Variants in ADGRG2 observed in about 807,000 individuals in gnomAD.
ADGRG2 encodes G protein-coupled receptor 64.
In ADGRG2, 26 loss-of-function variants were observed where a neutral mutation model predicts 74.1. The ratio of observed to expected loss-of-function variants is 0.35; its 90% CI spans 0.26 to 0.49. The LOEUF (loss-of-function observed/expected upper bound fraction) is 0.49. Ranked by LOEUF, ADGRG2 falls within the 20% of genes least tolerant of loss-of-function variation. ADGRG2 has a pLI of 0.99. For missense variants in ADGRG2, 619 were observed against 763.1 expected, an observed-to-expected ratio of 0.81 and a Z score of 2.22; for synonymous variants, 296 against 295.2, an observed-to-expected ratio of 1.00 and a Z score of -0.03.
chrX:19,063,137 C>T (rs1164483014), intron 3 of ADGRG2, among the ~76,000 whole-genome samples: 1 of 111,631 alleles, frequency 9.0e-6, no homozygotes, highest in African/African-American at 3.3e-5. Context: ...GTGTTAAGGT[C>T]CACGGGCTCT....
chrX:18,998,880 T>C (rs2060071207), intron 26 of ADGRG2, 116 bp downstream of exon 26: 2 of 561,739 alleles, frequency 3.6e-6, no homozygotes, highest in Non-Finnish European at 5.8e-6. Context: ...TGCTTTATTG[T>C]AGTGGTCTAG....
intron 23 of ADGRG2, among the ~76,000 whole-genome samples, chrX:19,003,371 G>A (rs1569361714): frequency 9.0e-6 from 1 of 110,818 alleles, no homozygotes; most frequent in Admixed American, 9.6e-5. Context: ...GCCTAGGCTG[G>A]CCTCAAACTC....
chrX:19,058,412 T>A (rs758278096), intron 3 of ADGRG2, among the ~76,000 whole-genome samples: 1 of 110,534 alleles, frequency 9.0e-6, no homozygotes, highest in Non-Finnish European at 1.9e-5. Context: ...CTGTGTAATA[T>A]CAAATCATAT....
chrX:18,999,057 A>G lies in ADGRG2; in HGVS notation c.2553T>C (p.Phe851=). Reference sequence around the variant, plus strand: ...AGGTCACGTTAACTGGTCCCCAGGCAAAGAAGGCAAAGCCCCAAGTTATTC... The same window carrying G: ...AGGTCACGTTAACTGGTCCCCAGGCGAAGAAGGCAAAGCCCCAAGTTATTC... The part of the protein sequence containing the change: ...LLGITWGFAF[F]AWGPVNVTFM... The change falls in exon 26 of 29, where the codon TTT becomes TTC. Residue 851 remains phenylalanine, a synonymous_variant. Transcript: ENST00000379869. 1 of 1,208,226 alleles carries G rather than the reference A, an allele frequency of 8.3e-7. No homozygotes were observed. Among genetic ancestry groups the G allele is most frequent in the Non-Finnish European group, 1.1e-6 (1 of 892,180 alleles).
At chrX:19,043,459 A>G (rs1278617043) in intron 3 of ADGRG2, among the ~76,000 whole-genome samples, 3 of 112,306 alleles carry the variant, frequency 2.7e-5, no homozygotes, top group African/African-American at 9.7e-5. Context: ...ATTCATAAAC[A>G]AAGAAAGGAA....
intron 6 of ADGRG2, among the ~76,000 whole-genome samples, chrX:19,037,133 T>G (rs1310180742): frequency 7.1e-5 from 8 of 112,526 alleles, no homozygotes. Flanking sequence ...CTGGATGTGC[T>G]TTTCACATTT....
At chrX:19,096,410 T>TAA (rs756410342) in intron 1 of ADGRG2, among the ~76,000 whole-genome samples, 181 of 75,219 alleles carry the variant, frequency 2.4e-3, no homozygotes, top group East Asian at 0.013. Flanking sequence ...AGACTCTATC[T>TAA]AAAAAAAAAA....
At position 19,049,007 on chromosome X, in the gene ADGRG2, T is replaced by A. The variant is rs191656551; in HGVS notation, c.119-8783A>T. Reference sequence around the variant, plus strand: ...AACATTTCCATGAAACAGACAGCTCTCTACCCCAACCTTATCTTCTCCTGC... The same window carrying A: ...AACATTTCCATGAAACAGACAGCTCACTACCCCAACCTTATCTTCTCCTGC... On this transcript the variant is annotated intron_variant, in intron 3 of 28. Coordinates refer to ENST00000379869, the MANE Select transcript of ADGRG2 (RefSeq NM_001079858.3). 4.6e-3 allele frequency among the ~76,000 whole-genome samples: 519 copies of A among 111,748 alleles called. 3 individuals carry two copies. Among genetic ancestry groups the A allele is most frequent in the African/African-American group, 0.016 (484 of 30,706 alleles).
chrX:18,995,998 C>T (rs1417615265), intron 27 of ADGRG2, 53 bp downstream of exon 27: 7 of 631,258 alleles, frequency 1.1e-5, no homozygotes, highest in Non-Finnish European at 1.8e-5. Flanking sequence ...TTAATTTATA[C>T]AATCTTTTCC....
At chrX:19,066,445 CTTTTTTTTT>C (rs1225489257) in intron 3 of ADGRG2, among the ~76,000 whole-genome samples, 4 of 39,943 alleles carry the variant, frequency 1.0e-4, no homozygotes, top group East Asian at 1.0e-3. Flanking sequence ...GAGGATGCTT[CTTTTTTTTT>C]TTTTTTTTTT....
intron 1 of ADGRG2, among the ~76,000 whole-genome samples, chrX:19,107,955 C>T (rs1235836234): frequency 9.4e-6 from 1 of 106,511 alleles, no homozygotes; most frequent in Non-Finnish European, 1.9e-5. Flanking sequence ...AAAAAATTAG[C>T]CAGGTGTGGT....
chrX:19,045,403 G>A (rs1236395918), intron 3 of ADGRG2, among the ~76,000 whole-genome samples: 2 of 107,957 alleles, frequency 1.9e-5, no homozygotes, highest in African/African-American at 6.7e-5. Context: ...CTCCTCCCGG[G>A]TTCAAGTGAT....
chrX:19,058,029 GAAGAA>G (rs1198587451), intron 3 of ADGRG2, among the ~76,000 whole-genome samples: 1 of 111,354 alleles, frequency 9.0e-6, no homozygotes, highest in Non-Finnish European at 1.9e-5. Flanking sequence ...GAGTTCACTG[GAAGAA>G]AAGAATTACA....
At chrX:19,034,738 T>C (rs951082989) in intron 7 of ADGRG2, 1 of 111,201 alleles carries the variant, frequency 9.0e-6, no homozygotes, top group Non-Finnish European at 1.9e-5. Context: ...ATCGAGACTA[T>C]CCTGGCTAAC....
intron 1 of ADGRG2, among the ~76,000 whole-genome samples, chrX:19,102,372 C>T (rs1230774097): frequency 9.1e-6 from 1 of 109,541 alleles, no homozygotes; most frequent in Non-Finnish European, 1.9e-5. Flanking sequence ...GTTAACAAGC[C>T]CACCTCACTT....
chrX:19,054,974 G>A (rs781747111), intron 3 of ADGRG2, among the ~76,000 whole-genome samples: 4 of 111,395 alleles, frequency 3.6e-5, no homozygotes, highest in East Asian at 2.8e-4. Context: ...ATGATGAAGC[G>A]CCCAGCTTCT....
At chrX:19,084,879 T>C (rs2061914498) in intron 1 of ADGRG2, among the ~76,000 whole-genome samples, 1 of 112,351 alleles carries the variant, frequency 8.9e-6, no homozygotes, top group Admixed American at 9.4e-5. Flanking sequence ...TCCCAGTGGA[T>C]GAAAAAATTG....
In ADGRG2 at chrX:19,035,854, A is replaced by C. The variant is rs776214599; in HGVS notation, c.262+88T>G. On this transcript the variant is annotated intron_variant, in intron 7 of 28. Coordinates refer to ENST00000379869, the MANE Select transcript of ADGRG2 (RefSeq NM_001079858.3). ...AAAAAGGGCAAGGAGGCAAAAGAAA[A>C]CTCTTTAGTAACCCAGTAGACTGCA... 3 of 457,831 alleles carry C rather than the reference A, an allele frequency of 6.6e-6. No homozygotes were observed. In the South Asian group the frequency reaches 1.4e-4, roughly 22 times the overall value. 37.7% of individuals were successfully genotyped at this position (457,831 alleles called of 1,213,427 possible).
rs1384929794 is a variant in ADGRG2 at position 19,030,186 on chromosome X, A to G, written c.358+798T>C. On this transcript the variant is annotated intron_variant, in intron 9 of 28. Coordinates refer to ENST00000379869, the MANE Select transcript of ADGRG2 (RefSeq NM_001079858.3). ...ATGATTGCTTATTACTATAATCACA[A>G]TAAGACTTTCAGAACATAAAATACC... Among the ~76,000 whole-genome samples, 8 of 112,356 alleles carry G rather than the reference A, an allele frequency of 7.1e-5. No individual in the cohort carries two copies. In the South Asian group the frequency reaches 1.5e-3, roughly 21 times the overall value.
Sources: allele counts gnomAD v4.1 joint callset (sites outside exome capture counted in the v4.1 genomes callset), GRCh38; gene constraint gnomAD v4.1.1; transcripts MANE v1.5; gene names NCBI Gene and HGNC (gene_info 2026-07-23, HGNC 2026-07-21).